The following CLCA2 variants were observed in gnomAD, a reference collection of about 807,000 sequenced individuals.
The protein encoded by CLCA2 is chloride channel accessory 2.
CLCA2 carries 85 observed loss-of-function variants against 82.9 expected under a neutral mutation model. That is an observed-to-expected ratio of 1.03 (90% CI 0.86 to 1.23). The LOEUF (loss-of-function observed/expected upper bound fraction) is 1.23. Ranked by LOEUF, CLCA2 falls within the 50% of genes most tolerant of loss-of-function variation. The probability of loss-of-function intolerance (pLI) is 0.00; values close to 1 mark genes in which losing one functional copy is unlikely to be tolerated. For synonymous variants in CLCA2, 421 were observed against 391.7 expected (o/e 1.07, Z -0.88); for missense variants, 1,089 against 1,124.8 (o/e 0.97, Z 0.45).
In CLCA2 at chr1:86,450,600, G is replaced by T. The variant is rs1353456767; in HGVS notation, c.2022G>T (p.Arg674Ser). 1 of 1,612,688 alleles carries T rather than the reference G, an allele frequency of 6.2e-7. No homozygotes were observed. The highest frequency in any genetic ancestry group is 2.2e-5 in the East Asian group (1 of 44,830). ...TAAAAAATGATGGAATTTACTCGAGGTATTTTTTCTCCTTTGCTGCAAATG... is the reference window on the plus strand; with the variant it reads ...TAAAAAATGATGGAATTTACTCGAGTTATTTTTTCTCCTTTGCTGCAAATG... ...DVIKNDGIYS[R>S]YFFSFAANGR... The change falls in exon 12 of 14, where the codon AGG becomes AGT. Residue 674 changes from arginine to serine, a missense_variant. Coordinates refer to ENST00000370565, the MANE Select transcript of CLCA2 (RefSeq NM_006536.7).
At chr1:86,450,936 T>G (rs1171412318) in intron 12 of CLCA2, among the ~76,000 whole-genome samples, 1 of 152,224 alleles carries the variant, frequency 6.6e-6, no homozygotes, top group Non-Finnish European at 1.5e-5. Flanking sequence ...CGATAGGTAA[T>G]GCCCACAGAT....
intron 3 of CLCA2, among the ~76,000 whole-genome samples, chr1:86,429,879 GT>G (rs892508739): frequency 2.6e-5 from 4 of 151,986 alleles, no homozygotes; most frequent in African/African-American, 9.7e-5. Context: ...GAAAAACGTA[GT>G]TTTTTTTCTT....
chr1:86,428,352 A>T, intron 2 of CLCA2, 66 bp from the exon 3 acceptor site: 1 of 1,444,806 alleles, frequency 6.9e-7, no homozygotes, highest in Non-Finnish European at 9.4e-7. Flanking sequence ...GCTTTAATGA[A>T]TGTATACATT....
chr1:86,432,245 G>A (rs1570254322), intron 4 of CLCA2, 124 bp from the exon 5 acceptor site: 1 of 1,152,594 alleles, frequency 8.7e-7, no homozygotes, highest in Non-Finnish European at 1.2e-6. Context: ...CAGTAGAGCA[G>A]TTTTTAAAGT....
chr1:86,433,334 A>G (rs893124280), intron 5 of CLCA2, among the ~76,000 whole-genome samples: 1 of 152,228 alleles, frequency 6.6e-6, no homozygotes, highest in African/African-American at 2.4e-5. Flanking sequence ...GGTACAGCCC[A>G]CACATGCCTC....
chr1:86,451,458 A>G (rs1227451002), intron 12 of CLCA2, among the ~76,000 whole-genome samples: 1 of 152,164 alleles, frequency 6.6e-6, no homozygotes, highest in Non-Finnish European at 1.5e-5. Context: ...ATTCCACACC[A>G]TGATTCTATA....
rs1662481880 is a variant in CLCA2 at position 86,430,848 on chromosome 1, TC to T, written c.476-13del. The T allele has an allele frequency of 1.2e-6, 2 of 1,607,962 alleles. No homozygotes were observed. The highest frequency in any genetic ancestry group is 1.7e-6 in the Non-Finnish European group (2 of 1,176,024). On this transcript the variant is annotated splice_polypyrimidine_tract_variant and intron_variant, in intron 3 of 13. Coordinates refer to ENST00000370565, the MANE Select transcript of CLCA2 (RefSeq NM_006536.7). Reference sequence around the variant, plus strand: ...ATTTTAGAAGCTCAAAAGCAAAAGTTCTTTCTTCCGCAGGCCGAGTGTTTGT... The same window carrying T: ...ATTTTAGAAGCTCAAAAGCAAAAGTTTTTCTTCCGCAGGCCGAGTGTTTGT...
Position 86,453,372 on chromosome 1 carries a change from A to C in CLCA2, c.2159A>C (p.Asn720Thr). The C allele has an allele frequency of 1.2e-6, 2 of 1,613,096 alleles. No individual in the cohort carries two copies. The highest frequency in any genetic ancestry group is 1.7e-6 in the Non-Finnish European group (2 of 1,179,254). ...MYVPGYTANG[N>T]IQMNAPRKSV... ...TTTTTTTTCTTTTTTGTCTCAGGTA[A>C]TATTCAGATGAATGCTCCAAGGAAA... Residue 720 changes from asparagine (N) to threonine (T), a missense_variant, in exon 13 of 14, where the codon AAT (asparagine) becomes ACT (threonine). Coordinates refer to ENST00000370565, the MANE Select transcript of CLCA2 (RefSeq NM_006536.7).
At chr1:86,443,630 G>C (rs1335196792) in intron 9 of CLCA2, among the ~76,000 whole-genome samples, 157 bp from the exon 10 acceptor site, 2 of 152,098 alleles carry the variant, frequency 1.3e-5, no homozygotes, top group African/African-American at 2.4e-5. Flanking sequence ...ATTTTGCTTT[G>C]CAAAGTATTT....
At chr1:86,444,207 A>G (rs546445831) in intron 10 of CLCA2, among the ~76,000 whole-genome samples, 196 bp downstream of exon 10, 9 of 152,350 alleles carry the variant, frequency 5.9e-5, no homozygotes, top group African/African-American at 1.9e-4. Context: ...AGTTTTATAT[A>G]TTAGACACCA....
intron 10 of CLCA2, among the ~76,000 whole-genome samples, chr1:86,446,416 T>C (rs1405604340): frequency 6.6e-6 from 1 of 152,104 alleles, no homozygotes; most frequent in African/African-American, 2.4e-5. Context: ...AGGGACACTT[T>C]ACCTACTTCT....
rs529099326 is a variant in CLCA2 at position 86,453,329 on chromosome 1, T to C, written c.2156-40T>C. On this transcript the variant is annotated intron_variant, in intron 12 of 13. Coordinates refer to ENST00000370565, the MANE Select transcript of CLCA2 (RefSeq NM_006536.7). ...AAGAACAAGCTATTCAGAAGCTTTG[T>C]AATTTGTCATTTTGCCTTTTTTTTT... 9.9e-6 allele frequency: 15 copies of C among 1,517,250 alleles called. No homozygotes were observed. The East Asian group carries it at 3.2e-4, about 32-fold the overall frequency. The allele number at this position is 1,517,250 out of a possible 1,614,324, so 94.0% of individuals were successfully genotyped here.
At chr1:86,447,913 C>G (rs1314079127) in intron 11 of CLCA2, 135 bp downstream of exon 11, 2 of 894,396 alleles carry the variant, frequency 2.2e-6, no homozygotes, top group Admixed American at 2.8e-5. Context: ...TTCTCAAATT[C>G]TTATAGAGTC....
Position 86,440,240 on chromosome 1 carries a change from T to C in CLCA2, c.1296T>C (p.Thr432=). 6.2e-7 allele frequency: 1 copy of C among 1,614,158 alleles called. No individual in the cohort carries two copies. Among genetic ancestry groups the C allele is most frequent in the Non-Finnish European group, 8.5e-7 (1 of 1,179,998 alleles). ...DDKLLGNCLP[T]VLSSGSTIHS... ...AGCTTCTTGGCAATTGCTTACCCAC[T>C]GTGCTCAGCAGTGGTTCAACAATTC... The change falls in exon 8 of 14, where the codon ACT becomes ACC. Residue 432 remains threonine (T), a synonymous_variant. Coordinates refer to ENST00000370565, the MANE Select transcript of CLCA2 (RefSeq NM_006536.7).
intron 7 of CLCA2, among the ~76,000 whole-genome samples, chr1:86,439,908 G>A (rs1662688088): frequency 6.6e-6 from 1 of 152,110 alleles, no homozygotes; most frequent in Non-Finnish European, 1.5e-5. Context: ...TTCTATGATG[G>A]ATACAGTTCT....
chr1:86,439,739 A>T (rs1662684455), intron 7 of CLCA2, among the ~76,000 whole-genome samples: 1 of 152,104 alleles, frequency 6.6e-6, no homozygotes, highest in Non-Finnish European at 1.5e-5. Context: ...ACCCCCAGAG[A>T]TTCTGATTTA....
intron 13 of CLCA2, among the ~76,000 whole-genome samples, chr1:86,454,530 G>A (rs748629736): frequency 2.4e-4 from 37 of 152,258 alleles, no homozygotes; most frequent in South Asian, 6.2e-4. Flanking sequence ...AGTGGCTCAC[G>A]CCTGAAATCC....
In CLCA2 at chr1:86,425,496, T is replaced by C. The variant is rs2210641; in HGVS notation, c.324+20T>C. 0.29 allele frequency: 439,855 copies of C among 1,494,918 alleles called. 65,970 individuals carry two copies. The highest frequency in any genetic ancestry group is 0.39 in the East Asian group (16,217 of 41,932). 92.6% of individuals were successfully genotyped at this position (1,494,918 alleles called of 1,614,324 possible). A position where few individuals can be genotyped will look rare whatever the true frequency, so the allele number is the denominator to read the frequency against. On this transcript the variant is annotated intron_variant, in intron 2 of 13. Transcript: ENST00000370565. ...GAAAAGGTAAGAATCCAGGATTTCATTCAATGATCTCAAGGGGAAAAAAAA... is the reference window on the plus strand; with the variant it reads ...GAAAAGGTAAGAATCCAGGATTTCACTCAATGATCTCAAGGGGAAAAAAAA...
chr1:86,436,579 G>A (rs537387046), intron 6 of CLCA2, among the ~76,000 whole-genome samples: 1 of 152,276 alleles, frequency 6.6e-6, no homozygotes, highest in Admixed American at 6.5e-5. Flanking sequence ...GTGCTCTGTG[G>A]ATCAATAGTC....
Sources: allele counts gnomAD v4.1 joint callset (sites outside exome capture counted in the v4.1 genomes callset), GRCh38; gene constraint gnomAD v4.1.1; transcripts MANE v1.5; gene names NCBI Gene and HGNC (gene_info 2026-07-23, HGNC 2026-07-21).